The following ZNF516 variants were observed in gnomAD, a reference collection of about 807,000 sequenced individuals.
ZNF516 encodes zinc finger protein 516.
ZNF516 carries 19 observed loss-of-function variants against 79.7 expected under a neutral mutation model. That is an observed-to-expected ratio of 0.24 (90% CI 0.17 to 0.35). ZNF516 has a LOEUF of 0.35. Among genes scored for constraint, ZNF516 ranks in the 10% least tolerant of loss-of-function variants. The pLI is 1.00. For synonymous variants in ZNF516, 877 were observed against 739.5 expected, an observed-to-expected ratio of 1.19 and a Z score of -3.02; for missense variants, 1,678 against 1,679.5, an observed-to-expected ratio of 1.00 and a Z score of 0.02.
chr18:76,483,005 G>A (rs958645749), intron 1 of ZNF516, among the ~76,000 whole-genome samples: 6 of 152,026 alleles, frequency 3.9e-5, no homozygotes, highest in Admixed American at 1.3e-4. Context: ...ATCTTCTTAA[G>A]AAAAGAAAAA....
intron 3 of ZNF516, among the ~76,000 whole-genome samples, chr18:76,404,165 G>A (rs1436629473): frequency 2.0e-5 from 3 of 152,244 alleles, no homozygotes; most frequent in Admixed American, 6.5e-5. Flanking sequence ...CAAGCCCTGG[G>A]CAAAGGGAAG....
rs554719475 is a variant in ZNF516, at chr18:76,379,330, G to A, written c.2784C>T (p.Ser928=). The change falls in exon 4 of 7, where the codon AGC becomes AGT. Residue 928 remains serine (S), a synonymous_variant. Coordinates refer to ENST00000443185, the MANE Select transcript of ZNF516 (RefSeq NM_014643.4). ...PAPGGGGFSR[S]ATPTPTVIAR... is the part of the protein sequence containing the mutation. ...CGATGACGGTGGGCGTAGGGGTGGCGCTCCTGCTGAAGCCCCCGCCACCCG... is the reference window on the plus strand; with the variant it reads ...CGATGACGGTGGGCGTAGGGGTGGCACTCCTGCTGAAGCCCCCGCCACCCG... 19 of 1,596,106 alleles carry A rather than the reference G, an allele frequency of 1.2e-5. No individual in the cohort carries two copies. Among genetic ancestry groups the A allele is most frequent in the Admixed American group, 1.7e-5 (1 of 58,202 alleles).
At chr18:76,408,764 C>T (rs985651677) in intron 3 of ZNF516, among the ~76,000 whole-genome samples, 2 of 152,266 alleles carry the variant, frequency 1.3e-5, no homozygotes, top group African/African-American at 4.8e-5. Context: ...TTCCACAAAG[C>T]TGTCCTTAGA....
At chr18:76,398,307 C>A (rs886714971) in intron 3 of ZNF516, among the ~76,000 whole-genome samples, 25 of 152,302 alleles carry the variant, frequency 1.6e-4, no homozygotes, top group Admixed American at 7.9e-4. Context: ...TCAATATATT[C>A]TTTTATTATT....
At chr18:76,464,529 T>C (rs1913329583) in intron 1 of ZNF516, among the ~76,000 whole-genome samples, 1 of 152,232 alleles carries the variant, frequency 6.6e-6, no homozygotes, top group African/African-American at 2.4e-5. Context: ...GGCAGGGTGA[T>C]GCGCAGTGAT....
chr18:76,462,039 C>T (rs981482082), intron 2 of ZNF516, among the ~76,000 whole-genome samples: 2 of 152,258 alleles, frequency 1.3e-5, no homozygotes, highest in Admixed American at 6.5e-5. Context: ...TTCCCACATC[C>T]GGTTACCTTT....
At chr18:76,433,835 G>C (rs2075694708) in intron 3 of ZNF516, among the ~76,000 whole-genome samples, 2 of 152,188 alleles carry the variant, frequency 1.3e-5, no homozygotes, top group African/African-American at 4.8e-5. Flanking sequence ...AGAATCATCA[G>C]TCGGAATGAC....
chr18:76,480,415 C>T (rs1024839664), intron 1 of ZNF516, among the ~76,000 whole-genome samples: 5 of 151,998 alleles, frequency 3.3e-5, no homozygotes, highest in African/African-American at 1.2e-4. Flanking sequence ...GCGGGCCAAA[C>T]TCTTCCCACC....
rs1290103138 is a variant in ZNF516, at chr18:76,459,688, G to A, written c.-158+3340C>T. On this transcript the variant is annotated intron_variant, in intron 2 of 6. Transcript: ENST00000443185. The surrounding 1 kb of genome is among the most constrained non-coding windows in gnomAD (Gnocchi z 5.0). The stretch of plus-strand genomic sequence containing the variant: ...ACCTGATGCGGGGCTTCAGGAAGTG[G>A]CAGGGCAGGAGGTAGAACCGGAAGC... Among the ~76,000 whole-genome samples, 2 of 152,200 alleles carry A rather than the reference G, an allele frequency of 1.3e-5. No individual in the cohort carries two copies. Among genetic ancestry groups the A allele is most frequent in the African/African-American group, 4.8e-5 (2 of 41,450 alleles).
chr18:76,403,941 C>T (rs2075265845), intron 3 of ZNF516, among the ~76,000 whole-genome samples: 1 of 152,250 alleles, frequency 6.6e-6, no homozygotes, highest in Admixed American at 6.5e-5. Flanking sequence ...GGTCCAAGGA[C>T]TAAGCATCCT....
chr18:76,396,403 C>A (rs1477476695), intron 3 of ZNF516, among the ~76,000 whole-genome samples: 1 of 152,174 alleles, frequency 6.6e-6, no homozygotes, highest in Admixed American at 6.5e-5. Context: ...GACGCTGTCT[C>A]AGAACTCAGG....
rs563229247 is a variant in ZNF516 at position 76,455,227 on chromosome 18, C to T, written c.-158+7801G>A. On this transcript the variant is annotated intron_variant, in intron 2 of 6. Transcript: ENST00000443185. ...TACATCTGGATAGTCCGTTTGGTCA[C>T]AGAAGGTCCATGTTTGAAATTAAGG... is the stretch of plus-strand genomic sequence containing the variant. Among the ~76,000 whole-genome samples, 3 of 152,316 alleles carry T rather than the reference C, an allele frequency of 2.0e-5. No individual in the cohort carries two copies. The South Asian group carries it at 6.2e-4, about 32-fold the overall frequency.
At chr18:76,472,429 G>A (rs546088382) in intron 1 of ZNF516, among the ~76,000 whole-genome samples, 97 of 152,262 alleles carry the variant, frequency 6.4e-4, no homozygotes, top group Non-Finnish European at 2.2e-4. Flanking sequence ...ATACACAGGC[G>A]CACTTACACG....
chr18:76,404,356 A>C (rs899477492), intron 3 of ZNF516, among the ~76,000 whole-genome samples: 7 of 1,556 alleles, frequency 4.5e-3, no homozygotes, highest in East Asian at 0.1. Flanking sequence ...TGCATATACT[A>C]CGTGTAATGT....
At chr18:76,382,136 A>C (rs2074902907) in intron 3 of ZNF516, among the ~76,000 whole-genome samples, 1 of 142,998 alleles carries the variant, frequency 7.0e-6, no homozygotes, top group Non-Finnish European at 1.6e-5. Flanking sequence ...CATCTTAAAA[A>C]ATAACAGTAA....
At chr18:76,383,066 G>A (rs1480673714) in intron 3 of ZNF516, among the ~76,000 whole-genome samples, 2 of 149,418 alleles carry the variant, frequency 1.3e-5, no homozygotes, top group East Asian at 2.0e-4. Context: ...AAAAGCGCAT[G>A]GTCTAGCCCA....
At chr18:76,426,306 G>A (rs1702300263) in intron 3 of ZNF516, among the ~76,000 whole-genome samples, 1 of 152,110 alleles carries the variant, frequency 6.6e-6, no homozygotes, top group Non-Finnish European at 1.5e-5. Context: ...CTCCCATCTA[G>A]TAATAAACAA....
chr18:76,437,533 G>A (rs755643453), intron 3 of ZNF516, among the ~76,000 whole-genome samples: 56 of 149,014 alleles, frequency 3.8e-4, no homozygotes, highest in Non-Finnish European at 7.6e-4. Context: ...TTATTCTATT[G>A]AGTCATACAA....
rs1030936154 is a variant in ZNF516, at chr18:76,495,125, C to G, written c.-272+19G>C. ...CGCGGCCCCTGCGGCGCAGCCCTCC[C>G]CCCGCCCGCGGCCCCTACCTTGGCA... On this transcript the variant is annotated intron_variant, in intron 1 of 6. Transcript: ENST00000443185. 4 of 149,968 alleles carry G rather than the reference C, an allele frequency of 2.7e-5. No homozygotes were observed. Among genetic ancestry groups the G allele is most frequent in the African/African-American group, 9.7e-5 (4 of 41,174 alleles). The allele number at this position is 149,968 out of a possible 1,614,324, so 9.3% of individuals were successfully genotyped here.
Sources: gnomAD v4.1 joint callset for allele counts (sites outside exome capture counted in the v4.1 genomes callset) on GRCh38, gnomAD v4.1.1 for gene constraint, Gnocchi (gnomAD v3.1) non-coding constraint, MANE v1.5 for transcripts, NCBI Gene and HGNC (gene_info 2026-07-23, HGNC 2026-07-21) for gene names.